HIP1: variants seen among roughly 807,000 people sequenced by gnomAD.
HIP1 encodes huntingtin-interacting protein 1.
In HIP1, 65 loss-of-function variants were observed where a neutral mutation model predicts 147.6. That is an observed-to-expected ratio of 0.44 (90% CI 0.36 to 0.54). HIP1 has a LOEUF of 0.54. Among genes scored for constraint, HIP1 ranks in the 20% least tolerant of loss-of-function variants. The pLI, the probability that HIP1 is intolerant of heterozygous loss-of-function variation, is 0.00. For synonymous variants in HIP1, 479 were observed against 504.0 expected, an observed-to-expected ratio of 0.95 and a Z score of 0.67; for missense variants, 1,061 against 1,299.6, an observed-to-expected ratio of 0.82 and a Z score of 2.82.
chr7:75,665,625 C>T (rs760434373), intron 1 of HIP1, among the ~76,000 whole-genome samples: 17 of 151,914 alleles, frequency 1.1e-4, no homozygotes, highest in Non-Finnish European at 2.2e-4. Context: ...CTGCAACCTC[C>T]ACCTCCTGGA....
intron 12 of HIP1, among the ~76,000 whole-genome samples, 191 bp downstream of exon 12, chr7:75,561,882 A>G (rs1795240282): frequency 6.6e-6 from 1 of 152,136 alleles, no homozygotes; most frequent in Non-Finnish European, 1.5e-5. Flanking sequence ...CCTGGCCTTA[A>G]AAAATCCTCC....
At chr7:75,541,725 C>CA (rs34842470) in intron 29 of HIP1, among the ~76,000 whole-genome samples, 194 bp downstream of exon 29, 86,399 of 146,738 alleles carry the variant, frequency 0.59, 25,348 homozygotes, top group African/African-American at 0.68. Context: ...ACAAGACAAA[C>CA]AAAAAAAAAA....
chr7:75,649,250 C>T (rs1798900598), intron 1 of HIP1, among the ~76,000 whole-genome samples: 1 of 152,154 alleles, frequency 6.6e-6, no homozygotes, highest in African/African-American at 2.4e-5. Context: ...TCTCAAACTC[C>T]CGACCTCAGA....
chr7:75,646,292 G>A (rs1398412923), intron 1 of HIP1, among the ~76,000 whole-genome samples: 1 of 152,160 alleles, frequency 6.6e-6, no homozygotes, highest in African/African-American at 2.4e-5. Flanking sequence ...TCACCATGTT[G>A]ACCAGGCTGG....
chr7:75,600,848 A>G (rs1173801882), intron 1 of HIP1, among the ~76,000 whole-genome samples: 1 of 151,594 alleles, frequency 6.6e-6, no homozygotes, highest in Non-Finnish European at 1.5e-5. Context: ...ACAGCCTCCA[A>G]CTCCTGGGCT....
chr7:75,716,138 C>T (rs1306030720), intron 1 of HIP1, among the ~76,000 whole-genome samples: 2 of 152,048 alleles, frequency 1.3e-5, no homozygotes, highest in African/African-American at 2.4e-5. Context: ...TTGGTGGAGA[C>T]AAATATCCAA....
intron 1 of HIP1, among the ~76,000 whole-genome samples, chr7:75,645,523 G>A (rs1056086607): frequency 2.6e-5 from 4 of 152,118 alleles, no homozygotes; most frequent in African/African-American, 2.4e-5. Flanking sequence ...CACTGCACCC[G>A]GCCTGGATTG....
In HIP1 at chr7:75,622,849, T is replaced by TTATCTATC. The variant is rs57401190; in HGVS notation, c.121-23610_121-23603dup. 4.5e-3 allele frequency among the ~76,000 whole-genome samples: 654 copies of TTATCTATC among 146,348 alleles called. 4 individuals carry two copies. Among genetic ancestry groups the TTATCTATC allele is most frequent in the Middle Eastern group, 0.014 (4 of 276 alleles). On this transcript the variant is annotated intron_variant, in intron 1 of 30. Coordinates refer to ENST00000336926, the MANE Select transcript of HIP1 (RefSeq NM_005338.7). ...CAGAGCAAGATTGTCAAATAAATAA[T>TTATCTATC]TATCTATCTATCTATCTATCTATCT... is the stretch of plus-strand genomic sequence containing the variant.
intron 1 of HIP1, among the ~76,000 whole-genome samples, chr7:75,674,254 G>A (rs956629745): frequency 6.6e-6 from 1 of 152,178 alleles, no homozygotes; most frequent in Admixed American, 6.6e-5. Flanking sequence ...TAAGTGGTAA[G>A]AGCAGACATC....
At chr7:75,562,810 A>T in intron 11 of HIP1, 125 bp downstream of exon 11, 1 of 909,906 alleles carries the variant, frequency 1.1e-6, no homozygotes, top group Non-Finnish European at 1.7e-6. Flanking sequence ...GGTTGGTGCT[A>T]GGTGAATGAA....
In HIP1 at chr7:75,563,208, G is replaced by T; in HGVS notation, c.859C>A (p.Gln287Lys). The T allele has an allele frequency of 6.2e-7, 1 of 1,614,214 alleles. No individual in the cohort carries two copies. Among genetic ancestry groups the T allele is most frequent in the South Asian group, 1.1e-5 (1 of 91,086 alleles). The part of the protein sequence containing the change: ...SNLQYFKRLI[Q>K]IPQLPENPPN... ...CTTACCTCAGGCAGCTGGGGGATCT[G>T]AATGAGCCGCTTGAAGTACTGCAGG... Residue 287 changes from glutamine to lysine, a missense_variant, in exon 10 of 31, where the codon CAG becomes AAG. Gln to Lys is a moderately conservative substitution (Grantham distance 53). Coordinates refer to ENST00000336926, the MANE Select transcript of HIP1 (RefSeq NM_005338.7).
intron 11 of HIP1, among the ~76,000 whole-genome samples, chr7:75,562,592 C>T (rs185411806): frequency 6.6e-6 from 1 of 152,352 alleles, no homozygotes; most frequent in Admixed American, 6.5e-5. Flanking sequence ...CCCATCTCAG[C>T]TTCCCACATA....
intron 1 of HIP1, among the ~76,000 whole-genome samples, chr7:75,678,340 C>CTTTTTTTTTT (rs782045169): frequency 5.8e-5 from 5 of 86,332 alleles, no homozygotes; most frequent in Non-Finnish European, 6.7e-5. Flanking sequence ...TTCCTTTATT[C>CTTTTTTTTTT]TTTTTTTTTT....
chr7:75,629,790 C>T (rs587611746), intron 1 of HIP1, among the ~76,000 whole-genome samples: 1 of 152,252 alleles, frequency 6.6e-6, no homozygotes, highest in East Asian at 1.9e-4. Context: ...GATCCTCCCG[C>T]CTCGGCCTCC....
intron 25 of HIP1, among the ~76,000 whole-genome samples, chr7:75,545,923 G>A (rs1437914313): frequency 1.3e-5 from 2 of 152,160 alleles, no homozygotes; most frequent in African/African-American, 4.8e-5. Flanking sequence ...CCTGGCGACA[G>A]AGCGAGACTC....
intron 1 of HIP1, among the ~76,000 whole-genome samples, chr7:75,623,894 A>G (rs1554507594): frequency 6.6e-6 from 1 of 152,100 alleles, no homozygotes; most frequent in African/African-American, 2.4e-5. Context: ...GTGAGACCCT[A>G]TGTCTACAAA....
chr7:75,601,557 T>C (rs1374283396), intron 1 of HIP1, among the ~76,000 whole-genome samples: 1 of 151,054 alleles, frequency 6.6e-6, no homozygotes, highest in Non-Finnish European at 1.5e-5. Context: ...GATTCCACAA[T>C]TGCACTCCAG....
intron 1 of HIP1, among the ~76,000 whole-genome samples, chr7:75,639,578 TGTGTGTGTGTGTGTGCGCCCGC>T (rs1369555847): frequency 6.7e-6 from 1 of 149,354 alleles, no homozygotes; most frequent in Admixed American, 6.6e-5. Flanking sequence ...TGTGTGTGTG[TGTGTGTGTGTGTGTGCGCCCGC>T]GTGTGTGTGC....
chr7:75,686,850 T>C (rs1584950848), intron 1 of HIP1, among the ~76,000 whole-genome samples: 2 of 144,792 alleles, frequency 1.4e-5, no homozygotes, highest in Admixed American at 7.0e-5. Context: ...GTTCTTTTTT[T>C]TTTTTTTTTT....
Sources: gnomAD v4.1 joint callset for allele counts (sites outside exome capture counted in the v4.1 genomes callset) on GRCh38, gnomAD v4.1.1 for gene constraint, MANE v1.5 for transcripts, NCBI Gene and HGNC (gene_info 2026-07-23, HGNC 2026-07-21) for gene names.